Variants in IGSF3 observed in about 807,000 individuals in gnomAD.
IGSF3 encodes the protein glu-Trp-Ile EWI motif-containing protein 3.
IGSF3 carries 23 observed loss-of-function variants against 114.4 expected under a neutral mutation model. That is an observed-to-expected ratio of 0.20 (90% CI 0.14 to 0.28). IGSF3 has a LOEUF of 0.28. Among genes scored for constraint, IGSF3 ranks in the 10% least tolerant of loss-of-function variants. IGSF3 has a pLI of 1.00. For missense variants in IGSF3, 1,172 were observed against 1,591.5 expected (o/e 0.74, Z 4.48); for synonymous variants, 571 against 645.2 (o/e 0.88, Z 1.74).
At position 116,665,873 on chromosome 1, in the gene IGSF3, T is replaced by G. The variant is rs960170468; in HGVS notation, c.43+411A>C. Reference sequence around the variant, plus strand: ...CCATCATTATCACCCAAACCAACTTTCGAGACAGAGGGGAATGATGTTCCC... The same window carrying G: ...CCATCATTATCACCCAAACCAACTTGCGAGACAGAGGGGAATGATGTTCCC... On this transcript the variant is annotated intron_variant, in intron 2 of 10. Coordinates refer to ENST00000369486, the MANE Select transcript of IGSF3 (RefSeq NM_001007237.3). The surrounding 1 kb of genome is among the most constrained non-coding windows in gnomAD (Gnocchi z 4.0). Among the ~76,000 whole-genome samples, 3 of 152,006 alleles carry G rather than the reference T, an allele frequency of 2.0e-5. No homozygotes were observed. The highest frequency in any genetic ancestry group is 4.4e-5 in the Non-Finnish European group (3 of 67,998).
intron 4 of IGSF3, among the ~76,000 whole-genome samples, chr1:116,608,978 C>A (rs188208426): frequency 6.6e-6 from 1 of 152,150 alleles, no homozygotes; most frequent in African/African-American, 2.4e-5. Flanking sequence ...CAGATCAAAT[C>A]TCTAGTCAGA....
chr1:116,658,039 A>C (rs891895450), intron 2 of IGSF3, among the ~76,000 whole-genome samples: 1 of 143,458 alleles, frequency 7.0e-6, no homozygotes, highest in Non-Finnish European at 1.5e-5. Flanking sequence ...TTTTTTTTTG[A>C]AATGGAGTTT....
Position 116,596,926 on chromosome 1 carries a change from G to T in IGSF3, c.2029+3015C>A, listed in dbSNP as rs578212547. Among the ~76,000 whole-genome samples, 25 of 152,314 alleles carry T rather than the reference G, an allele frequency of 1.6e-4. No individual in the cohort carries two copies. The highest frequency in any genetic ancestry group is 5.8e-4 in the African/African-American group (24 of 41,558). ...TACAAGAAATGCTCAGTGAATATTAGCTGCTACTGTTGTTACTACCAGTAA... is the reference window on the plus strand; with the variant it reads ...TACAAGAAATGCTCAGTGAATATTATCTGCTACTGTTGTTACTACCAGTAA... On this transcript the variant is annotated intron_variant, in intron 7 of 10. Transcript: ENST00000369486. This position sits in a 1 kb window ranked among gnomAD's most constrained non-coding sequence, Gnocchi z 4.1.
chr1:116,589,182 G>C lies in IGSF3; in HGVS notation c.2030-78C>G, dbSNP rs183524406. On this transcript the variant is annotated intron_variant, in intron 7 of 10. Coordinates refer to ENST00000369486, the MANE Select transcript of IGSF3 (RefSeq NM_001007237.3). The surrounding 1 kb of genome is among the most constrained non-coding windows in gnomAD (Gnocchi z 5.7). ...CCATCCACCTCCAGGCTCTGAGCCA[G>C]GTTTCCTCCAGCACAGTTCCTGGGG... The C allele has an allele frequency of 1.6e-3, 2,217 of 1,384,348 alleles. 4 individuals carry two copies. The highest frequency in any genetic ancestry group is 2.9e-3 in the Middle Eastern group (14 of 4,784). 85.8% of individuals were successfully genotyped at this position (1,384,348 alleles called of 1,614,324 possible). A position where few individuals can be genotyped will look rare whatever the true frequency, so the allele number is the denominator to read the frequency against.
At position 116,582,491 on chromosome 1, in the gene IGSF3, A is replaced by T. The variant is rs1258263163; in HGVS notation, c.2848+2154T>A. Among the ~76,000 whole-genome samples the T allele has an allele frequency of 1.3e-5, 2 of 152,202 alleles. No homozygotes were observed. Among genetic ancestry groups the T allele is most frequent in the African/African-American group, 4.8e-5 (2 of 41,450 alleles). ...GAGCCCTTCATTCCATGTATTTCAG[A>T]TTATTGTGAATGTCAACTCTCAGCA... On this transcript the variant is annotated intron_variant, in intron 9 of 10. Transcript: ENST00000369486. This position sits in a 1 kb window ranked among gnomAD's most constrained non-coding sequence, Gnocchi z 4.7.
At position 116,615,195 on chromosome 1, in the gene IGSF3, A is replaced by G. The variant is rs1661171201; in HGVS notation, c.421+885T>C. On this transcript the variant is annotated intron_variant, in intron 3 of 10. Transcript: ENST00000369486. The surrounding 1 kb of genome is among the most constrained non-coding windows in gnomAD (Gnocchi z 4.3). ...AGGCTGAGGCAGAAGAATTGCTTGA[A>G]CCCGGGAGGTGGAGGTTGCAGTGAG... 6.6e-6 allele frequency among the ~76,000 whole-genome samples: 1 copy of G among 151,610 alleles called. No homozygotes were observed. Among genetic ancestry groups the G allele is most frequent in the South Asian group, 2.1e-4 (1 of 4,792 alleles).
rs1649159921 is a variant in IGSF3, at chr1:116,662,549, G to A, written c.43+3735C>T. Among the ~76,000 whole-genome samples the A allele has an allele frequency of 6.6e-6, 1 of 152,186 alleles. No individual in the cohort carries two copies. Among genetic ancestry groups the A allele is most frequent in the Non-Finnish European group, 1.5e-5 (1 of 68,026 alleles). ...TTATGGAAGTACCAGCAGTCTTGCTGCCATGAAAACCGTAGAAGATGGCAA... is the reference window on the plus strand; with the variant it reads ...TTATGGAAGTACCAGCAGTCTTGCTACCATGAAAACCGTAGAAGATGGCAA... On this transcript the variant is annotated intron_variant, in intron 2 of 10. Transcript: ENST00000369486. This position sits in a 1 kb window ranked among gnomAD's most constrained non-coding sequence, Gnocchi z 4.3.
Position 116,636,617 on chromosome 1 carries a change from C to T in IGSF3, c.44-20160G>A, listed in dbSNP as rs1225061930. On this transcript the variant is annotated intron_variant, in intron 2 of 10. Transcript: ENST00000369486. The surrounding 1 kb of genome is among the most constrained non-coding windows in gnomAD (Gnocchi z 4.5). The stretch of plus-strand genomic sequence containing the variant: ...TTGGAGAAGCTGTGATCTGTCTAGC[C>T]CTTCTACACCAGGAGCGAGGCCTGA... 1.3e-5 allele frequency among the ~76,000 whole-genome samples: 2 copies of T among 151,960 alleles called. No individual in the cohort carries two copies. The highest frequency in any genetic ancestry group is 2.9e-5 in the Non-Finnish European group (2 of 68,014).
At position 116,666,971 on chromosome 1, in the gene IGSF3, A is replaced by C; in HGVS notation, c.-630-15T>G. Reference sequence around the variant, plus strand: ...CGAGCAGATTTCTAAAACAAACACAACAGAGATTTTTATCAAAGGCAAAGC... The same window carrying C: ...CGAGCAGATTTCTAAAACAAACACACCAGAGATTTTTATCAAAGGCAAAGC... On this transcript the variant is annotated splice_polypyrimidine_tract_variant and intron_variant, in intron 1 of 10. Transcript: ENST00000369486. 1 of 399,542 alleles carries C rather than the reference A, an allele frequency of 2.5e-6. No individual in the cohort carries two copies. Among genetic ancestry groups the C allele is most frequent in the Non-Finnish European group, 4.4e-6 (1 of 227,260 alleles). 24.7% of individuals were successfully genotyped at this position (399,542 alleles called of 1,614,324 possible).
chr1:116,646,199 G>A (rs918715902), intron 2 of IGSF3, among the ~76,000 whole-genome samples: 2 of 152,332 alleles, frequency 1.3e-5, no homozygotes, highest in East Asian at 1.9e-4. Flanking sequence ...TTTCTGCACC[G>A]TGTGAACCCT....
rs1661067177 is a variant in IGSF3 at position 116,612,648 on chromosome 1, C to A, written c.832+1117G>T. The stretch of plus-strand genomic sequence containing the variant: ...AGACAGGTCCTGACGAAGGACCCCA[C>A]CTGTACTGCAACTCACCAGGTCATT... On this transcript the variant is annotated intron_variant, in intron 4 of 10. Coordinates refer to ENST00000369486, the MANE Select transcript of IGSF3 (RefSeq NM_001007237.3). The surrounding 1 kb of genome is among the most constrained non-coding windows in gnomAD (Gnocchi z 4.1). 6.6e-6 allele frequency among the ~76,000 whole-genome samples: 1 copy of A among 152,278 alleles called. No individual in the cohort carries two copies. Among genetic ancestry groups the A allele is most frequent in the Non-Finnish European group, 1.5e-5 (1 of 68,054 alleles).
Position 116,607,996 on chromosome 1 carries a change from T to C in IGSF3, c.1168A>G (p.Ile390Val), listed in dbSNP as rs776526116. Residue 390 changes from isoleucine (I) to valine (V), a missense_variant, in exon 5 of 11, where the codon ATT becomes GTT. Physicochemically the swap from Ile to Val is conservative, Grantham distance 29. Around this residue, in one of 3 missense-constraint regions of IGSF3, gnomAD observed 736 missense variants for 1,042.0 expected, o/e 0.71. Transcript: ENST00000369486. This position sits in a 1 kb window ranked among gnomAD's most constrained non-coding sequence, Gnocchi z 6.1. Reference protein sequence around the residue: ...EREKTVTGEFIDKESKRPKNI... With the variant: ...EREKTVTGEFVDKESKRPKNI... ...TTGGGACGCTTGCTCTCCTTATCAA[T>C]GAATTCCCCGGTCACGGTTTTCTCT... 2.3e-5 allele frequency: 37 copies of C among 1,613,856 alleles called. No individual in the cohort carries two copies. In the Admixed American group the frequency reaches 2.5e-4, roughly 11 times the overall value.
Position 116,666,632 on chromosome 1 carries a change from T to C in IGSF3, c.-306A>G. 1 of 581,132 alleles carries C rather than the reference T, an allele frequency of 1.7e-6. No individual in the cohort carries two copies. The highest frequency in any genetic ancestry group is 4.5e-4 in the Middle Eastern group (1 of 2,224). 36.0% of individuals were successfully genotyped at this position (581,132 alleles called of 1,614,324 possible). On this transcript the variant is annotated 5_prime_UTR_variant, in exon 2 of 11. The change abolishes the stop of an existing upstream ORF in the 5' untranslated region. Coordinates refer to ENST00000369486, the MANE Select transcript of IGSF3 (RefSeq NM_001007237.3). Reference sequence around the variant, plus strand: ...CACTGAAATTGCAGACTGTAGTGGATTAATCCTCCAGAAGCACGGAAAAAA... The same window carrying C: ...CACTGAAATTGCAGACTGTAGTGGACTAATCCTCCAGAAGCACGGAAAAAA...
chr1:116,657,117 C>T lies in IGSF3; in HGVS notation c.43+9167G>A, dbSNP rs1160424125. Among the ~76,000 whole-genome samples the T allele has an allele frequency of 1.3e-5, 2 of 151,964 alleles. No homozygotes were observed. The highest frequency in any genetic ancestry group is 6.6e-5 in the Admixed American group (1 of 15,256). On this transcript the variant is annotated intron_variant, in intron 2 of 10. Transcript: ENST00000369486. This position sits in a 1 kb window ranked among gnomAD's most constrained non-coding sequence, Gnocchi z 4.2. The stretch of plus-strand genomic sequence containing the variant: ...GAAAATCAAGATTTCCTTTTGGGGG[C>T]GTTATACAAAAAAGACTGTAAAATT...
chr1:116,640,054 A>AAAAAG (rs1553218793), intron 2 of IGSF3, among the ~76,000 whole-genome samples: 7 of 147,556 alleles, frequency 4.7e-5, no homozygotes, highest in African/African-American at 1.9e-4. Flanking sequence ...AAAAAAAAAA[A>AAAAAG]AAAGAAAGAA....
In IGSF3 at chr1:116,654,628, C is replaced by G. The variant is rs1289390846; in HGVS notation, c.43+11656G>C. Reference sequence around the variant, plus strand: ...GAAGATGGATTGGCCTTATACTCACCACCCCCCATACGAGGCTCCTCTGGT... The same window carrying G: ...GAAGATGGATTGGCCTTATACTCACGACCCCCCATACGAGGCTCCTCTGGT... On this transcript the variant is annotated intron_variant, in intron 2 of 10. Transcript: ENST00000369486. This position sits in a 1 kb window ranked among gnomAD's most constrained non-coding sequence, Gnocchi z 4.4. Among the ~76,000 whole-genome samples, 2 of 152,132 alleles carry G rather than the reference C, an allele frequency of 1.3e-5. No homozygotes were observed. Among genetic ancestry groups the G allele is most frequent in the African/African-American group, 2.4e-5 (1 of 41,416 alleles).
chr1:116,637,224 T>C (rs1261956890), intron 2 of IGSF3, among the ~76,000 whole-genome samples: 1 of 152,214 alleles, frequency 6.6e-6, no homozygotes, highest in Non-Finnish European at 1.5e-5. Flanking sequence ...TTCCCACTAA[T>C]GGCAGCCAGG....
rs540051904 is a variant in IGSF3, at chr1:116,616,715, T to C, written c.44-258A>G. Among the ~76,000 whole-genome samples the C allele has an allele frequency of 6.6e-6, 1 of 152,340 alleles. No homozygotes were observed. Among genetic ancestry groups the C allele is most frequent in the South Asian group, 2.1e-4 (1 of 4,828 alleles). ...TTGTTACTTATTCAACAGCTGACCC[T>C]TGGGAATTTCATTTAGCCCCTCTGT... On this transcript the variant is annotated intron_variant, in intron 2 of 10. Transcript: ENST00000369486. The surrounding 1 kb of genome is among the most constrained non-coding windows in gnomAD (Gnocchi z 6.6).
chr1:116,629,801 A>C lies in IGSF3; in HGVS notation c.44-13344T>G, dbSNP rs1245647426. ...AAGCTGTTTAGCCGCTTTCCTAAAAACTCCTATTTTCTGAGTTATTAAACT... is the reference window on the plus strand; with the variant it reads ...AAGCTGTTTAGCCGCTTTCCTAAAACCTCCTATTTTCTGAGTTATTAAACT... On this transcript the variant is annotated intron_variant, in intron 2 of 10. Coordinates refer to ENST00000369486, the MANE Select transcript of IGSF3 (RefSeq NM_001007237.3). This position sits in a 1 kb window ranked among gnomAD's most constrained non-coding sequence, Gnocchi z 4.3. 6.6e-6 allele frequency among the ~76,000 whole-genome samples: 1 copy of C among 151,244 alleles called. No individual in the cohort carries two copies. Among genetic ancestry groups the C allele is most frequent in the African/African-American group, 2.4e-5 (1 of 41,078 alleles).
Sources: allele counts gnomAD v4.1 joint callset (sites outside exome capture counted in the v4.1 genomes callset), GRCh38; gene constraint gnomAD v4.1.1; regional missense constraint gnomAD v4.1.1; non-coding constraint Gnocchi (gnomAD v3.1); transcripts MANE v1.5; gene names NCBI Gene and HGNC (gene_info 2026-07-23, HGNC 2026-07-21).